Variants in GRAMD4 observed in about 807,000 individuals in gnomAD.
GRAMD4 encodes GRAM domain-containing protein 4.
Under a neutral mutation model 83.9 loss-of-function variants are expected in GRAMD4, and 25 were observed. The ratio of observed to expected loss-of-function variants is 0.30; its 90% CI spans 0.22 to 0.42. The LOEUF is 0.42. GRAMD4 is among the 10% of genes least tolerant of loss of function. GRAMD4 has a pLI of 1.00. For synonymous variants in GRAMD4, 336 were observed against 320.9 expected (o/e 1.05, Z -0.50); for missense variants, 593 against 788.7 (o/e 0.75, Z 2.97).
chr22:46,672,832 C>T lies in GRAMD4; in HGVS notation c.1085-11C>T, dbSNP rs748062019. On this transcript the variant is annotated splice_polypyrimidine_tract_variant and intron_variant, in intron 13 of 18. Transcript: ENST00000406902. The surrounding 1 kb of genome is among the most constrained non-coding windows in gnomAD (Gnocchi z 4.7). ...GCTCTAGATGGAGCAGGCTGTGTCC[C>T]CTGCCCTCAGGACTCTATGCTGGTA... 5.6e-6 allele frequency: 9 copies of T among 1,608,528 alleles called. No individual in the cohort carries two copies. Among genetic ancestry groups the T allele is most frequent in the Non-Finnish European group, 7.6e-6 (9 of 1,176,492 alleles).
upstream of GRAMD4, among the ~76,000 whole-genome samples, chr22:46,615,546 TGTGTAGGTTCCCCTGTGC>T (rs1316455950): frequency 3.2e-4 from 45 of 142,748 alleles, no homozygotes; most frequent in East Asian, 2.2e-3. Context: ...GGTTCCCCTG[TGTGTAGGTTCCCCTGTGC>T]GTGTAGGTTC....
rs913586251 is a variant in GRAMD4 at position 46,679,553 on chromosome 22, C to G, written c.*2302C>G. 1 of 985,188 alleles carries G rather than the reference C, an allele frequency of 1.0e-6. No homozygotes were observed. The highest frequency in any genetic ancestry group is 1.2e-6 in the Non-Finnish European group (1 of 829,644). The allele number at this position is 985,188 out of a possible 1,614,324, so 61.0% of individuals were successfully genotyped here. ...CAGATGTTTAATTTCTGTGACTAAT[C>G]ACTGAACTAGACGAATGTTAAATTT... On this transcript the variant is annotated 3_prime_UTR_variant, in exon 19 of 19. Transcript: ENST00000406902.
chr22:46,642,325 G>A (rs1395048296), intron 3 of GRAMD4, among the ~76,000 whole-genome samples: 2 of 152,216 alleles, frequency 1.3e-5, no homozygotes, highest in Middle Eastern at 6.3e-3. Context: ...ATTGATGGCC[G>A]CTGGTGACCT....
intron 3 of GRAMD4, among the ~76,000 whole-genome samples, chr22:46,639,067 C>T (rs1342532737): frequency 6.6e-6 from 1 of 152,198 alleles, no homozygotes; most frequent in Non-Finnish European, 1.5e-5. Context: ...TGTGTATGTA[C>T]AGCACTGGAC....
At chr22:46,600,551 G>A (rs1345883844) in intron 1 of GRAMD4, among the ~76,000 whole-genome samples, 1 of 152,238 alleles carries the variant, frequency 6.6e-6, no homozygotes, top group African/African-American at 2.4e-5. Context: ...TACCAAAAGA[G>A]GGACAGGGAT....
rs528788669 is a variant in GRAMD4, at chr22:46,603,303, G to C, written c.-49-23448G>C. On this transcript the variant is annotated intron_variant, in intron 1 of 1. Coordinates refer to the GRAMD4 transcript ENST00000431155. ...GCTCACTGCAAGCTCCGCCTCCTGG[G>C]TTTACACCATTCTCCTGCCTCAGCC... is the stretch of plus-strand genomic sequence containing the variant. Among the ~76,000 whole-genome samples the C allele has an allele frequency of 5.4e-4, 78 of 145,322 alleles. 1 individual carries two copies. Among genetic ancestry groups the C allele is most frequent in the Non-Finnish European group, 1.0e-3 (67 of 67,144 alleles).
intron 1 of GRAMD4, among the ~76,000 whole-genome samples, chr22:46,594,101 C>G (rs1002623378): frequency 7.9e-5 from 12 of 151,478 alleles, no homozygotes; most frequent in African/African-American, 2.9e-4. Context: ...TGATACCCAG[C>G]ATCCTGCCAG....
intron 3 of GRAMD4, among the ~76,000 whole-genome samples, chr22:46,645,031 C>T (rs1222123313): frequency 6.7e-6 from 1 of 150,162 alleles, no homozygotes; most frequent in South Asian, 2.1e-4. Flanking sequence ...CAGGCGTGAG[C>T]CACTGTGCCT....
chr22:46,628,818 C>T (rs1053211839), intron 2 of GRAMD4, among the ~76,000 whole-genome samples: 4 of 152,036 alleles, frequency 2.6e-5, no homozygotes, highest in Non-Finnish European at 5.9e-5. Flanking sequence ...CAGAGCTGGC[C>T]GCTCCAGGGT....
intron 10 of GRAMD4, among the ~76,000 whole-genome samples, chr22:46,667,495 T>C (rs528833005): frequency 6.6e-6 from 1 of 152,232 alleles, no homozygotes; most frequent in Admixed American, 6.5e-5. Flanking sequence ...CACGTGGCCA[T>C]GGAAGCCAAA....
At chr22:46,595,105 G>A (rs1453252789) in intron 1 of GRAMD4, among the ~76,000 whole-genome samples, 10 of 152,134 alleles carry the variant, frequency 6.6e-5, no homozygotes, top group African/African-American at 2.4e-4. Context: ...CCCCACATGC[G>A]GCCCGGGGGG....
At chr22:46,619,530 C>T (rs1211937921), upstream of GRAMD4, among the ~76,000 whole-genome samples, 3 of 152,196 alleles carry the variant, frequency 2.0e-5, no homozygotes, top group Non-Finnish European at 4.4e-5. Flanking sequence ...TTCTGTGTCA[C>T]TGCATTGCCC....
chr22:46,579,355 G>A (rs2081075560), intron 1 of GRAMD4, among the ~76,000 whole-genome samples: 1 of 152,200 alleles, frequency 6.6e-6, no homozygotes, highest in Non-Finnish European at 1.5e-5. Flanking sequence ...GAAAACGAGG[G>A]AGGAGAATCA....
intron 1 of GRAMD4, among the ~76,000 whole-genome samples, chr22:46,612,264 C>T (rs1195484362): frequency 6.6e-6 from 1 of 152,136 alleles, no homozygotes; most frequent in Non-Finnish European, 1.5e-5. Flanking sequence ...GCATTGGACT[C>T]CCAGAGTACT....
chr22:46,595,724 G>C (rs2081255929), intron 1 of GRAMD4, among the ~76,000 whole-genome samples: 1 of 152,254 alleles, frequency 6.6e-6, no homozygotes, highest in African/African-American at 2.4e-5. Flanking sequence ...CGGTCAGGGG[G>C]CCAAGATGGG....
At chr22:46,674,551 G>A (rs559001680) in intron 15 of GRAMD4, 106 bp from the exon 16 acceptor site, 93 of 829,086 alleles carry the variant, frequency 1.1e-4, no homozygotes, top group Admixed American at 1.7e-5. Flanking sequence ...CGTGAGCGCG[G>A]TGGGCGGATG....
chr22:46,588,793 C>T (rs551690815), intron 1 of GRAMD4, among the ~76,000 whole-genome samples: 2 of 150,874 alleles, frequency 1.3e-5, no homozygotes, highest in South Asian at 4.2e-4. Flanking sequence ...GGCGTCGGTC[C>T]GGGCTGGGCA....
downstream of GRAMD4, among the ~76,000 whole-genome samples, chr22:46,681,560 C>A (rs2082671403): frequency 6.6e-6 from 1 of 152,196 alleles, no homozygotes; most frequent in African/African-American, 2.4e-5. Flanking sequence ...GTGGGGCAGG[C>A]CTGGTGCCCT....
At chr22:46,585,738 G>A (rs1344095361) in intron 1 of GRAMD4, among the ~76,000 whole-genome samples, 1 of 152,226 alleles carries the variant, frequency 6.6e-6, no homozygotes, top group Non-Finnish European at 1.5e-5. Context: ...ATGGGATGGG[G>A]AAGGGCCTGA....
Sources: allele counts gnomAD v4.1 joint callset (sites outside exome capture counted in the v4.1 genomes callset), GRCh38; gene constraint gnomAD v4.1.1; non-coding constraint Gnocchi (gnomAD v3.1); transcripts MANE v1.5; gene names NCBI Gene and HGNC (gene_info 2026-07-23, HGNC 2026-07-21).